The following LRRC4C variants were observed in gnomAD, a reference collection of about 807,000 sequenced individuals.
LRRC4C encodes leucine rich repeat containing 4C.
Under a neutral mutation model 33.6 loss-of-function variants are expected in LRRC4C, and 5 were observed. That is an observed-to-expected ratio of 0.15 (90% CI 0.08 to 0.31). The LOEUF is 0.31. Ranked by LOEUF, LRRC4C falls within the 10% of genes least tolerant of loss-of-function variation. The pLI, the probability that LRRC4C is intolerant of heterozygous loss-of-function variation, is 1.00. For synonymous variants in LRRC4C, 329 were observed against 302.0 expected (o/e 1.09, Z -0.93); for missense variants, 560 against 796.7 (o/e 0.70, Z 3.58).
chr11:40,304,464 C>G lies in LRRC4C; in HGVS notation c.-176+15164G>C, dbSNP rs191778645. 1.4e-3 allele frequency among the ~76,000 whole-genome samples: 215 copies of G among 152,240 alleles called. 1 individual carries two copies. Among genetic ancestry groups the G allele is most frequent in the Non-Finnish European group, 2.7e-3 (185 of 68,010 alleles). ...ACACATCTTTCAGATATAAATGAAG[C>G]TACTGAAAGAGTTTGGGGTTTTGCT... On this transcript the variant is annotated intron_variant, in intron 4 of 6. Coordinates refer to ENST00000528697, the MANE Select transcript of LRRC4C (RefSeq NM_001258419.2).
At chr11:40,326,311 C>T (rs1946099634) in intron 3 of LRRC4C, among the ~76,000 whole-genome samples, 1 of 152,050 alleles carries the variant, frequency 6.6e-6, no homozygotes, top group Non-Finnish European at 1.5e-5. Flanking sequence ...TGCCTGTAAT[C>T]CCAGCACTTT....
chr11:40,389,203 G>T (rs560680832), intron 3 of LRRC4C, among the ~76,000 whole-genome samples: 2 of 152,186 alleles, frequency 1.3e-5, no homozygotes, highest in Admixed American at 1.3e-4. Context: ...ATCCCAGCAG[G>T]CACATTAAAC....
At chr11:40,941,812 G>C (rs1565224585) in intron 1 of LRRC4C, among the ~76,000 whole-genome samples, 1 of 152,086 alleles carries the variant, frequency 6.6e-6, no homozygotes, top group Non-Finnish European at 1.5e-5. Context: ...TATTTTTTCT[G>C]ATTTTACAGG....
intron 1 of LRRC4C, among the ~76,000 whole-genome samples, chr11:41,152,449 T>C (rs966365232): frequency 6.6e-6 from 1 of 152,222 alleles, no homozygotes; most frequent in Non-Finnish European, 1.5e-5. Flanking sequence ...GATAGCCTGA[T>C]GGCCTACAGT....
rs113558032 is a variant in LRRC4C at position 40,768,829 on chromosome 11, T to C, written c.-406-120551A>G. ...CCTTTAAAAGACTGGAAATGGAACA[T>C]ACTTGAACACAATAAAAGCCACATA... is the stretch of plus-strand genomic sequence containing the variant. On this transcript the variant is annotated intron_variant, in intron 2 of 6. Coordinates refer to ENST00000528697, the MANE Select transcript of LRRC4C (RefSeq NM_001258419.2). 8.4e-3 allele frequency among the ~76,000 whole-genome samples: 1,281 copies of C among 152,150 alleles called. 17 individuals carry two copies. The highest frequency in any genetic ancestry group is 0.013 in the Non-Finnish European group (864 of 67,934).
intron 3 of LRRC4C, among the ~76,000 whole-genome samples, chr11:40,419,486 G>A (rs919103387): frequency 2.6e-5 from 4 of 152,130 alleles, no homozygotes; most frequent in African/African-American, 9.7e-5. Flanking sequence ...CCAGAAGATA[G>A]TGGAACAACA....
intron 3 of LRRC4C, among the ~76,000 whole-genome samples, chr11:40,478,650 G>A (rs1055595958): frequency 9.9e-5 from 15 of 152,234 alleles, no homozygotes; most frequent in African/African-American, 3.4e-4. Context: ...CCATTAACTC[G>A]TCATTTACAT....
intron 1 of LRRC4C, among the ~76,000 whole-genome samples, chr11:41,285,001 T>A (rs1337741729): frequency 6.6e-6 from 1 of 152,162 alleles, no homozygotes; most frequent in East Asian, 1.9e-4. Context: ...GAAGTAAATT[T>A]TTTCTCAAGT....
In LRRC4C at chr11:40,164,451, C is replaced by T. The variant is rs564000852; in HGVS notation, c.-95-23598G>A. Among the ~76,000 whole-genome samples, 11 of 152,192 alleles carry T rather than the reference C, an allele frequency of 7.2e-5. No homozygotes were observed. In the East Asian group the frequency reaches 2.1e-3, roughly 29 times the overall value. On this transcript the variant is annotated intron_variant, in intron 5 of 6. Coordinates refer to ENST00000528697, the MANE Select transcript of LRRC4C (RefSeq NM_001258419.2). ...AGAGATGGGGCTTCACTATGTTGGCCAGGCTGGTCTCCTGACCTCAGGTGA... is the reference window on the plus strand; with the variant it reads ...AGAGATGGGGCTTCACTATGTTGGCTAGGCTGGTCTCCTGACCTCAGGTGA...
intron 3 of LRRC4C, among the ~76,000 whole-genome samples, chr11:40,570,061 T>A (rs1199988342): frequency 6.6e-6 from 1 of 151,984 alleles, no homozygotes; most frequent in Non-Finnish European, 1.5e-5. Flanking sequence ...ACATATTATA[T>A]ATATGAGTAT....
intron 5 of LRRC4C, among the ~76,000 whole-genome samples, chr11:40,238,676 C>G (rs1219340223): frequency 6.6e-6 from 1 of 152,098 alleles, no homozygotes; most frequent in Non-Finnish European, 1.5e-5. Flanking sequence ...ATTTTTATCA[C>G]ATGAGTTTAA....
chr11:40,699,733 G>C (rs1945773771), intron 2 of LRRC4C, among the ~76,000 whole-genome samples: 1 of 152,114 alleles, frequency 6.6e-6, no homozygotes, highest in Non-Finnish European at 1.5e-5. Flanking sequence ...GTTTCCCTAA[G>C]GAATATTGAT....
intron 1 of LRRC4C, among the ~76,000 whole-genome samples, chr11:41,408,756 A>AAAAAAAAAACAAAC (rs1373962364): frequency 0.028 from 3,926 of 140,650 alleles, 176 homozygotes; most frequent in African/African-American, 0.12. Context: ...GTAAAAAAAA[A>AAAAAAAAAACAAAC]AAAAAAAAAA....
chr11:40,999,822 C>G (rs1200736440), intron 1 of LRRC4C, among the ~76,000 whole-genome samples: 1 of 152,054 alleles, frequency 6.6e-6, no homozygotes, highest in Non-Finnish European at 1.5e-5. Flanking sequence ...CCGAGTTTCC[C>G]TAGCAGAGCG....
chr11:41,294,087 G>A (rs1046960463), intron 1 of LRRC4C, among the ~76,000 whole-genome samples: 7 of 151,984 alleles, frequency 4.6e-5, no homozygotes, highest in African/African-American at 1.2e-4. Context: ...ATAAACCTTC[G>A]AAGTGGTGTG....
intron 1 of LRRC4C, among the ~76,000 whole-genome samples, chr11:41,184,847 T>TA (rs1945619649): frequency 6.7e-6 from 1 of 149,488 alleles, no homozygotes; most frequent in African/African-American, 2.4e-5. Context: ...TTAATGGACT[T>TA]ACAGTTCCAC....
chr11:40,859,221 C>T (rs1396982385), intron 2 of LRRC4C, among the ~76,000 whole-genome samples: 1 of 152,036 alleles, frequency 6.6e-6, no homozygotes, highest in Non-Finnish European at 1.5e-5. Context: ...GAGTCCAAGC[C>T]ATTAGTTTTT....
chr11:40,459,982 A>G (rs888102879), intron 3 of LRRC4C, among the ~76,000 whole-genome samples: 1 of 152,222 alleles, frequency 6.6e-6, no homozygotes, highest in African/African-American at 2.4e-5. Flanking sequence ...TTGGCTGACA[A>G]TCAAGTTCCT....
In LRRC4C at chr11:40,926,235, C is replaced by T. The variant is rs181598706; in HGVS notation, c.-407+7400G>A. 6.7e-3 allele frequency among the ~76,000 whole-genome samples: 1,013 copies of T among 152,194 alleles called. 12 individuals are homozygous for T. Among genetic ancestry groups the T allele is most frequent in the South Asian group, 0.043 (207 of 4,820 alleles). ...GCAGCAATGCCTACTAGGGAGGCTG[C>T]GTTCTTTCCTTCTGTCCTGTGACCT... is the stretch of plus-strand genomic sequence containing the variant. On this transcript the variant is annotated intron_variant, in intron 2 of 6. Transcript: ENST00000528697.
Sources: allele counts gnomAD v4.1 joint callset (sites outside exome capture counted in the v4.1 genomes callset), GRCh38; gene constraint gnomAD v4.1.1; transcripts MANE v1.5; gene names NCBI Gene and HGNC (gene_info 2026-07-23, HGNC 2026-07-21).